Variants in SPACA6 observed in about 807,000 individuals in gnomAD.
The protein encoded by SPACA6 is sperm acrosome associated 6, also known as sperm acrosome membrane-associated protein 6.
For missense variants in SPACA6, 8 were observed against 2.8 expected (o/e 2.88, Z -1.34); for synonymous variants, 6 against 1.5 (o/e 4.05, Z -2.21).
intron 3 of SPACA6, 46 bp from the exon 4 acceptor site, chr19:51,702,583 T>C (rs2083477858): frequency 2.5e-6 from 1 of 398,834 alleles, no homozygotes; most frequent in Non-Finnish European, 4.4e-6. Context: ...CGGGCAAGGG[T>C]TCTTCCCATG....
downstream of SPACA6, among the ~76,000 whole-genome samples, chr19:51,706,864 G>C (rs1368825635): frequency 6.6e-6 from 1 of 152,144 alleles, no homozygotes; most frequent in Non-Finnish European, 1.5e-5. Flanking sequence ...TCGCCATTTT[G>C]GCCAGGCTGA....
intron 2 of SPACA6, among the ~76,000 whole-genome samples, chr19:51,698,847 G>C (rs2083448245): frequency 6.6e-6 from 1 of 152,104 alleles, no homozygotes; most frequent in Admixed American, 6.5e-5. Context: ...AGGCTAATAT[G>C]GCACCTCCAT....
intron 2 of SPACA6, among the ~76,000 whole-genome samples, chr19:51,697,174 A>G (rs2083436521): frequency 6.6e-6 from 1 of 152,140 alleles, no homozygotes; most frequent in Admixed American, 6.5e-5. Flanking sequence ...GGCCCTTGGA[A>G]TGACTTTTGT....
chr19:51,697,007 G>A (rs1330781382), intron 2 of SPACA6, among the ~76,000 whole-genome samples: 6 of 152,156 alleles, frequency 3.9e-5, no homozygotes, highest in African/African-American at 1.2e-4. Context: ...GCATACATCA[G>A]AATCCCCTGG....
At chr19:51,690,102 G>A (rs1170494948), upstream of SPACA6, among the ~76,000 whole-genome samples, 1 of 151,612 alleles carries the variant, frequency 6.6e-6, no homozygotes, top group Admixed American at 6.6e-5. Flanking sequence ...TCTGGAGGAG[G>A]AGAGGCCCAG....
In SPACA6 at chr19:51,703,874, G is replaced by T; in HGVS notation, c.574-156G>T. On this transcript the variant is annotated intron_variant, in intron 6 of 8. Transcript: ENST00000637797. The surrounding 1 kb of genome is among the most constrained non-coding windows in gnomAD (Gnocchi z 4.2). The stretch of plus-strand genomic sequence containing the variant: ...GTAAGGGTTTAAGGAGTGAGGGGAA[G>T]GGGTGCGTTTAGGGCAGGGGAGCGA... The T allele has an allele frequency of 2.5e-6, 1 of 397,558 alleles. No homozygotes were observed. Among genetic ancestry groups the T allele is most frequent in the Non-Finnish European group, 4.4e-6 (1 of 225,848 alleles). 24.6% of individuals were successfully genotyped at this position (397,558 alleles called of 1,614,324 possible). A position where few individuals can be genotyped will look rare whatever the true frequency, so the allele number is the denominator to read the frequency against.
the SPACA6 span, among the ~76,000 whole-genome samples, chr19:51,684,063 A>AT: frequency 6.9e-6 from 1 of 145,884 alleles, no homozygotes; most frequent in African/African-American, 2.6e-5. Context: ...GGGCTCACAG[A>AT]CAATGAATGA....
downstream of SPACA6, chr19:51,712,448 G>A (rs1307583913): frequency 6.6e-6 from 1 of 152,308 alleles, no homozygotes; most frequent in Non-Finnish European, 1.5e-5. Flanking sequence ...GAGGTCAAGA[G>A]TGGGGGTCTT....
In SPACA6 at chr19:51,703,936, A is replaced by G. The variant is rs1600143360; in HGVS notation, c.574-94A>G. The G allele has an allele frequency of 2.6e-6, 1 of 391,190 alleles. No individual in the cohort carries two copies. The highest frequency in any genetic ancestry group is 3.6e-5 in the East Asian group (1 of 27,844). 24.2% of individuals were successfully genotyped at this position (391,190 alleles called of 1,614,324 possible). A position where few individuals can be genotyped will look rare whatever the true frequency, so the allele number is the denominator to read the frequency against. On this transcript the variant is annotated intron_variant, in intron 6 of 8. Transcript: ENST00000637797. The surrounding 1 kb of genome is among the most constrained non-coding windows in gnomAD (Gnocchi z 4.2). Reference sequence around the variant, plus strand: ...GGCGGGCTCAAGGCTCAGGGCCAGGACTCCAGGGGGCGTGGTCTGGCTCGG... The same window carrying G: ...GGCGGGCTCAAGGCTCAGGGCCAGGGCTCCAGGGGGCGTGGTCTGGCTCGG...
chr19:51,690,797 G>T (rs1406406708), upstream of SPACA6, among the ~76,000 whole-genome samples: 1 of 151,656 alleles, frequency 6.6e-6, no homozygotes, highest in Non-Finnish European at 1.5e-5. Context: ...TAGGTCCGGG[G>T]AATCTCTGAG....
At chr19:51,687,284 TAC>T (rs1171816922), upstream of SPACA6, 1 of 144,430 alleles carries the variant, frequency 6.9e-6, no homozygotes, top group Non-Finnish European at 1.5e-5. Flanking sequence ...CATACATACA[TAC>T]ATACATACAT....
rs2083507020 is a variant in SPACA6, at chr19:51,704,980, C to A, written c.942-110C>A. On this transcript the variant is annotated intron_variant, in intron 8 of 8. Coordinates refer to ENST00000637797, the MANE Select transcript of SPACA6 (RefSeq NM_001316972.2). ...CCCCCTGCCCCCTCCTCCCTCAGAA[C>A]CAGGAGTCCGGGCCCTGTACACCTT... is the stretch of plus-strand genomic sequence containing the variant. 1.0e-5 allele frequency: 4 copies of A among 395,782 alleles called. No homozygotes were observed. The East Asian group carries it at 1.5e-4, about 14-fold the overall frequency. 24.5% of individuals were successfully genotyped at this position (395,782 alleles called of 1,614,324 possible). A position where few individuals can be genotyped will look rare whatever the true frequency, so the allele number is the denominator to read the frequency against.
In SPACA6 at chr19:51,693,446, C is replaced by A. The variant is rs1049623177; in HGVS notation, c.-81C>A. ...CACCAACTGAAACCTGACCTCTGAC[C>A]CCAGACCACTGGCCCTTCCCCCGCC... On this transcript the variant is annotated 5_prime_UTR_variant, in exon 1 of 9. Coordinates refer to ENST00000637797, the MANE Select transcript of SPACA6 (RefSeq NM_001316972.2). The A allele has an allele frequency of 1.7e-6, 1 of 587,072 alleles. No individual in the cohort carries two copies. The highest frequency in any genetic ancestry group is 1.8e-5 in the African/African-American group (1 of 55,268). 36.4% of individuals were successfully genotyped at this position (587,072 alleles called of 1,614,324 possible). A position where few individuals can be genotyped will look rare whatever the true frequency, so the allele number is the denominator to read the frequency against.
intron 1 of SPACA6, 120 bp downstream of exon 1, chr19:51,693,860 A>G: frequency 2.5e-6 from 1 of 399,862 alleles, no homozygotes; most frequent in Non-Finnish European, 4.4e-6. Context: ...AGAAAGGCTC[A>G]AAGACCATGA....
upstream of SPACA6, chr19:51,688,155 A>C (rs2083337494): frequency 1.3e-5 from 2 of 152,418 alleles, no homozygotes; most frequent in African/African-American, 4.8e-5. Context: ...CTCCCTAAGA[A>C]TCTGACCCCG....
downstream of SPACA6, among the ~76,000 whole-genome samples, chr19:51,712,768 G>A (rs1303401828): frequency 6.6e-6 from 1 of 152,168 alleles, no homozygotes; most frequent in African/African-American, 2.4e-5. Flanking sequence ...TAGGAAGCCA[G>A]CTAAGAGGGA....
At chr19:51,711,888 G>T (rs951113442) in intron 2 of SPACA6, 8 of 152,252 alleles carry the variant, frequency 5.3e-5, no homozygotes, top group African/African-American at 1.9e-4. Flanking sequence ...GGATAAAGGG[G>T]TGAGAAAGGA....
chr19:51,686,944 A>G (rs1291239418), upstream of SPACA6: 1 of 152,216 alleles, frequency 6.6e-6, no homozygotes, highest in Non-Finnish European at 1.5e-5. Flanking sequence ...GCATTTATCG[A>G]ATATCTGGGT....
chr19:51,689,160 T>A (rs1440037540), upstream of SPACA6: 1 of 151,080 alleles, frequency 6.6e-6, no homozygotes, highest in Non-Finnish European at 1.5e-5. Flanking sequence ...CTCCTCTGCG[T>A]CAGGCTTCTC....
Sources: gnomAD v4.1 joint callset for allele counts (sites outside exome capture counted in the v4.1 genomes callset) on GRCh38, gnomAD v4.1.1 for gene constraint, Gnocchi (gnomAD v3.1) non-coding constraint, MANE v1.5 for transcripts, NCBI Gene and HGNC (gene_info 2026-07-23, HGNC 2026-07-21) for gene names.